TRIP13: variants seen among roughly 807,000 people sequenced by gnomAD.
TRIP13 encodes thyroid hormone receptor interactor 13.
Under a neutral mutation model 54.4 loss-of-function variants are expected in TRIP13, and 25 were observed. The ratio of observed to expected loss-of-function variants is 0.46; its 90% CI spans 0.33 to 0.64. The LOEUF (loss-of-function observed/expected upper bound fraction) is 0.64, where lower values mean the gene tolerates loss of function less well. Ranked by LOEUF, TRIP13 falls within the 30% of genes least tolerant of loss-of-function variation. TRIP13 has a pLI of 0.02. For synonymous variants in TRIP13, 207 were observed against 207.8 expected (o/e 1.00, Z 0.03); for missense variants, 373 against 534.2 (o/e 0.70, Z 2.97).
chr5:915,855 C>CA lies in TRIP13; in HGVS notation c.1134-49_1134-48insA, dbSNP rs1754330459. The CA allele has an allele frequency of 3.1e-6, 5 of 1,597,620 alleles. No individual in the cohort carries two copies. The African/African-American group carries it at 6.7e-5, about 21-fold the overall frequency. On this transcript the variant is annotated intron_variant, in intron 11 of 12. Transcript: ENST00000166345. This position sits in a 1 kb window ranked among gnomAD's most constrained non-coding sequence, Gnocchi z 4.2. ...CCAATGAGGAAAATTAGTCCTGAAA[C>CA]GTGTGATTGTATAAATTGCTGTCTC...
At chr5:903,857 G>A (rs772058945) in intron 5 of TRIP13, among the ~76,000 whole-genome samples, 12 of 152,192 alleles carry the variant, frequency 7.9e-5, no homozygotes, top group Non-Finnish European at 1.5e-4. Flanking sequence ...CATTCCCGAC[G>A]CTAAGTGAGA....
In TRIP13 at chr5:908,016, A is replaced by G. The variant is rs1436363263; in HGVS notation, c.701A>G (p.Gln234Arg). The G allele has an allele frequency of 3.7e-6, 6 of 1,614,224 alleles. No homozygotes were observed. The highest frequency in any genetic ancestry group is 5.1e-6 in the Non-Finnish European group (6 of 1,180,038). ...ESGKLVTKMFQKIQDLIDDKD... is the reference protein window; with the variant it reads ...ESGKLVTKMFRKIQDLIDDKD... ...GGCAAGCTGGTAACCAAGATGTTTC[A>G]GAAGATTCAGGATTTGATTGATGAT... The change falls in exon 8 of 13, where the codon CAG becomes CGG. Residue 234 changes from glutamine (Q) to arginine (R), a missense_variant. By Grantham distance (43) the Gln-to-Arg change is conservative. Transcript: ENST00000166345. The surrounding 1 kb of genome is among the most constrained non-coding windows in gnomAD (Gnocchi z 5.2).
chr5:893,972 G>A (rs1435347296), intron 1 of TRIP13, among the ~76,000 whole-genome samples: 1 of 152,158 alleles, frequency 6.6e-6, no homozygotes. Context: ...CCTGGGCCCA[G>A]AGACGCTAGG....
chr5:900,204 T>C (rs1753952444), intron 3 of TRIP13, among the ~76,000 whole-genome samples: 1 of 152,280 alleles, frequency 6.6e-6, no homozygotes, highest in Non-Finnish European at 1.5e-5. Context: ...TAAAGTTTTT[T>C]TAAAAGACAA....
Position 900,520 on chromosome 5 carries a change from T to C in TRIP13, c.415T>C (p.Leu139=). The C allele has an allele frequency of 1.2e-6, 2 of 1,612,000 alleles. No individual in the cohort carries two copies. Among genetic ancestry groups the C allele is most frequent in the Non-Finnish European group, 1.7e-6 (2 of 1,179,608 alleles). ...AAEFHGLWDS[L]VYDVEVKSHL... ...TGAATTCCATGGGCTTTGGGACAGC[T>C]TGGTATACGATGTGGAAGTCAAATC... The change falls in exon 4 of 13, where the codon TTG becomes CTG. Residue 139 remains leucine, a synonymous_variant. Coordinates refer to ENST00000166345, the MANE Select transcript of TRIP13 (RefSeq NM_004237.4).
chr5:917,167 C>A lies in TRIP13; in HGVS notation c.*64C>A, dbSNP rs576527563. ...CACACAACCAGTAAGTGAGGTTGCC[C>A]CACACAGCCGTCTCCCAGGGAATCC... On this transcript the variant is annotated 3_prime_UTR_variant, in exon 13 of 13. Transcript: ENST00000166345. 2.8e-5 allele frequency: 43 copies of A among 1,530,458 alleles called. No homozygotes were observed. In the South Asian group the frequency reaches 4.4e-4, roughly 16 times the overall value. The allele number at this position is 1,530,458 out of a possible 1,614,324, so 94.8% of individuals were successfully genotyped here. A position where few individuals can be genotyped will look rare whatever the true frequency, so the allele number is the denominator to read the frequency against.
intron 1 of TRIP13, 27 bp from the exon 2 acceptor site, chr5:894,760 T>G (rs1753874868): frequency 6.3e-7 from 1 of 1,580,642 alleles, no homozygotes; most frequent in African/African-American, 1.4e-5. Context: ...TAAGATCATT[T>G]ATGTGTGTTT....
At chr5:900,473 C>A (rs748620566) in intron 3 of TRIP13, 21 bp from the exon 4 acceptor site, 1 of 1,613,168 alleles carries the variant, frequency 6.2e-7, no homozygotes. Context: ...GAAATCAGGT[C>A]TTTGTTTAAT....
At chr5:903,940 T>G (rs1188979188) in intron 5 of TRIP13, among the ~76,000 whole-genome samples, 1 of 152,100 alleles carries the variant, frequency 6.6e-6, no homozygotes, top group African/African-American at 2.4e-5. Flanking sequence ...AATACGAAGT[T>G]GAGTACAAAT....
intron 2 of TRIP13, among the ~76,000 whole-genome samples, chr5:896,104 G>T (rs1459305310): frequency 6.6e-6 from 1 of 152,178 alleles, no homozygotes; most frequent in Non-Finnish European, 1.5e-5. Context: ...TTGAGGCCAG[G>T]AATTGGAGAA....
downstream of TRIP13, among the ~76,000 whole-genome samples, chr5:918,279 A>G (rs1754374558): frequency 6.6e-6 from 1 of 152,008 alleles, no homozygotes; most frequent in African/African-American, 2.4e-5. The surrounding 1 kb of genome is among the most constrained non-coding windows in gnomAD (Gnocchi z 4.3). Context: ...CTGGGCCTTA[A>G]CTCTAGATTC....
intron 6 of TRIP13, among the ~76,000 whole-genome samples, chr5:906,769 G>A (rs929269968): frequency 1.3e-5 from 2 of 152,190 alleles, no homozygotes; most frequent in Non-Finnish European, 2.9e-5. Flanking sequence ...TCTGTGGAAG[G>A]AGGGGAAAAT....
At position 914,504 on chromosome 5, in the gene TRIP13, C is replaced by T. The variant is rs376882637; in HGVS notation, c.1060C>T (p.Arg354Ter). 1.9e-6 allele frequency: 3 copies of T among 1,613,522 alleles called. No individual in the cohort carries two copies. The highest frequency in any genetic ancestry group is 1.1e-5 in the South Asian group (1 of 91,048). Residue 354 changes from arginine (R) to a stop codon, truncating the protein, a stop_gained, in exon 11 of 13, where the codon CGA becomes TGA. Transcript: ENST00000166345. LOFTEE classifies it high-confidence loss of function. ...IYPRQQLLTL[R>*]ELEMIGFIEN... ...CCCTCGCCAGCAGCTGCTGACCCTC[C>T]GAGAGCTAGAGATGATTGGCTTCAT...
intron 4 of TRIP13, 112 bp downstream of exon 4, chr5:900,661 C>G: frequency 1.4e-5 from 16 of 1,117,846 alleles, no homozygotes; most frequent in Non-Finnish European, 2.0e-5. Context: ...TTGGGAGCCC[C>G]TGTCTGCTGG....
chr5:895,845 G>A (rs913540083), intron 2 of TRIP13, among the ~76,000 whole-genome samples: 1 of 152,218 alleles, frequency 6.6e-6, no homozygotes, highest in Non-Finnish European at 1.5e-5. Flanking sequence ...GTTAGATGCT[G>A]TTAATAATAG....
intron 1 of TRIP13, among the ~76,000 whole-genome samples, chr5:894,109 G>A (rs1002646956): frequency 1.3e-5 from 2 of 152,252 alleles, no homozygotes; most frequent in South Asian, 2.1e-4. Context: ...GTGCTGGGAC[G>A]ATTGCAAAGG....
chr5:904,171 T>A lies in TRIP13; in HGVS notation c.559T>A (p.Ser187Thr), dbSNP rs1465787430. The change falls in exon 6 of 13, where the codon TCC (serine) becomes ACC (threonine). Residue 187 changes from serine (S) to threonine (T), a missense_variant. By Grantham distance (58) the Ser-to-Thr change is moderately conservative. Coordinates refer to ENST00000166345, the MANE Select transcript of TRIP13 (RefSeq NM_004237.4). Reference protein sequence around the residue: ...LHGPPGTGKTSLCKALAQKLT... With the variant: ...LHGPPGTGKTTLCKALAQKLT... Reference sequence around the variant, plus strand: ...AGGTCCTCCTGGCACTGGAAAAACATCCCTGTGTAAAGCGTTAGCCCAGAA... The same window carrying A: ...AGGTCCTCCTGGCACTGGAAAAACAACCCTGTGTAAAGCGTTAGCCCAGAA... The A allele has an allele frequency of 6.2e-7, 1 of 1,609,526 alleles. No homozygotes were observed. Among genetic ancestry groups the A allele is most frequent in the South Asian group, 1.1e-5 (1 of 89,496 alleles).
chr5:900,079 A>G (rs905761672), intron 3 of TRIP13, among the ~76,000 whole-genome samples: 10 of 152,272 alleles, frequency 6.6e-5, no homozygotes, highest in Admixed American at 3.3e-4. Flanking sequence ...CATAAATTTT[A>G]TAATGTGTTG....
chr5:894,312 G>A (rs1753834877), intron 1 of TRIP13, among the ~76,000 whole-genome samples: 1 of 152,112 alleles, frequency 6.6e-6, no homozygotes, highest in Non-Finnish European at 1.5e-5. Flanking sequence ...GAGGACTGCA[G>A]CAAGGGGGAC....
Sources: gnomAD v4.1 joint callset for allele counts (sites outside exome capture counted in the v4.1 genomes callset) on GRCh38, gnomAD v4.1.1 for gene constraint, Gnocchi (gnomAD v3.1) non-coding constraint, MANE v1.5 for transcripts, NCBI Gene and HGNC (gene_info 2026-07-23, HGNC 2026-07-21) for gene names.